The following MADD variants were observed in gnomAD, a reference collection of about 807,000 sequenced individuals.
MADD encodes MAP kinase-activating death domain protein.
In MADD, 109 loss-of-function variants were observed where a neutral mutation model predicts 176.7. That is an observed-to-expected ratio of 0.62 (90% CI 0.53 to 0.72). The LOEUF (loss-of-function observed/expected upper bound fraction) is 0.72, where lower values mean the gene tolerates loss of function less well. Ranked by LOEUF, MADD falls within the 30% of genes least tolerant of loss-of-function variation. MADD has a pLI of 0.00. For missense variants in MADD, 1,914 were observed against 2,045.5 expected, an observed-to-expected ratio of 0.94 and a Z score of 1.24; for synonymous variants, 771 against 771.3, an observed-to-expected ratio of 1.00 and a Z score of 0.01.
intron 22 of MADD, among the ~76,000 whole-genome samples, chr11:47,300,442 A>AC (rs2076781167): frequency 7.2e-6 from 1 of 138,206 alleles, no homozygotes; most frequent in Non-Finnish European, 1.5e-5. Context: ...CCTGACCTCA[A>AC]GTGATCTACC....
At chr11:47,289,082 G>C (rs1250615901) in intron 15 of MADD, 55 bp downstream of exon 16, 1 of 1,504,652 alleles carries the variant, frequency 6.6e-7, no homozygotes, top group African/African-American at 1.4e-5. Context: ...AGCATCTTCT[G>C]TGCCTGCCCG....
rs144447538 is a variant in MADD, at chr11:47,329,087, C to T, written c.4701C>T (p.Tyr1567=). ...ACTCCGTATTATGTCTCTTCTCGTACGTGGCTGCAGTTCATAGCAGTGAGG... is the reference window on the plus strand; with the variant it reads ...ACTCCGTATTATGTCTCTTCTCGTATGTGGCTGCAGTTCATAGCAGTGAGG... The change falls in exon 33 of 33, where the codon TAC becomes TAT. Residue 1567 remains tyrosine, a synonymous_variant. Coordinates refer to ENST00000402192, the Ensembl canonical transcript of MADD. The T allele has an allele frequency of 6.5e-5, 105 of 1,614,082 alleles. 1 individual carries two copies. Among genetic ancestry groups the T allele is most frequent in the Non-Finnish European group, 7.8e-5 (92 of 1,180,046 alleles).
chr11:47,303,909 G>A (rs1461855371), intron 22 of MADD, among the ~76,000 whole-genome samples: 1 of 152,062 alleles, frequency 6.6e-6, no homozygotes, highest in East Asian at 1.9e-4. Context: ...CATCTGGCTG[G>A]AGAGGACTTT....
intron 5 of MADD, among the ~76,000 whole-genome samples, chr11:47,277,738 G>A (rs918777460): frequency 2.0e-5 from 3 of 152,306 alleles, no homozygotes; most frequent in South Asian, 2.1e-4. Context: ...TCTGATAACC[G>A]AGATGGCTAC....
intron 22 of MADD, 135 bp from the exon 25 acceptor site, chr11:47,308,456 C>G: frequency 3.4e-6 from 2 of 589,590 alleles, no homozygotes; most frequent in Non-Finnish European, 6.1e-6. Flanking sequence ...AGTGGACTTG[C>G]AGAAGCAGGG....
intron 26 of MADD, 71 bp downstream of exon 29, chr11:47,311,913 TTC>T (rs1039551953): frequency 3.3e-6 from 3 of 914,532 alleles, no homozygotes; most frequent in Non-Finnish European, 5.3e-6. Flanking sequence ...TGCAGTCCAG[TTC>T]ACCCCGTTTT....
exon 19 of MADD, chr11:47,290,770 A>G: frequency 6.2e-7 from 1 of 1,613,752 alleles, no homozygotes; most frequent in South Asian, 1.1e-5. Context: ...GTCCTAAGGA[A>G]CTGGACACCA....
At chr11:47,300,452 C>G (rs1247181874) in intron 22 of MADD, among the ~76,000 whole-genome samples, 1 of 127,078 alleles carries the variant, frequency 7.9e-6, no homozygotes, top group Admixed American at 7.6e-5. Context: ...AGTGATCTAC[C>G]CCCCGCCCGC....
rs1267433370 is a variant in MADD, at chr11:47,309,712, T to A, written c.3978+100T>A. The A allele has an allele frequency of 4.6e-5, 39 of 841,716 alleles. No homozygotes were observed. The Admixed American group carries it at 7.4e-4, about 16-fold the overall frequency. 52.1% of individuals were successfully genotyped at this position (841,716 alleles called of 1,614,324 possible). ...GGGTAGCTGGGAAGCTATCAAGGTA[T>A]CTTAACTTAGGGCTATCTTCTTGAT... On this transcript the variant is annotated intron_variant, in intron 25 of 32. Coordinates refer to ENST00000402192, the Ensembl canonical transcript of MADD.
At chr11:47,320,450 G>A (rs1453340302) in intron 27 of MADD, among the ~76,000 whole-genome samples, 10 of 149,626 alleles carry the variant, frequency 6.7e-5, no homozygotes, top group Non-Finnish European at 1.3e-4. Context: ...GCAAGACTCC[G>A]TCTCAAAAAA....
At chr11:47,315,051 G>A (rs2092319882) in intron 26 of MADD, among the ~76,000 whole-genome samples, 169 bp from the exon 30 acceptor site, 1 of 151,868 alleles carries the variant, frequency 6.6e-6, no homozygotes, top group Admixed American at 6.6e-5. Context: ...AGAGATATAG[G>A]GCCTCTGAGA....
intron 19 of MADD, among the ~76,000 whole-genome samples, chr11:47,292,086 A>C (rs1218716658): frequency 1.3e-5 from 2 of 151,662 alleles, no homozygotes; most frequent in African/African-American, 4.8e-5. Flanking sequence ...TCCTTCTGAA[A>C]CTCTGGCTGC....
intron 22 of MADD, among the ~76,000 whole-genome samples, chr11:47,303,239 G>GTTTTTTTT (rs35658298): frequency 9.2e-6 from 1 of 108,150 alleles, no homozygotes; most frequent in Non-Finnish European, 1.8e-5. Flanking sequence ...TTCTCTTGCT[G>GTTTTTTTT]TTTTTTTTTT....
chr11:47,279,045 C>G, exon 7 of MADD: 1 of 1,614,034 alleles, frequency 6.2e-7, no homozygotes, highest in Non-Finnish European at 8.5e-7. Context: ...CTGCCAGAAC[C>G]AGAATCACTA....
intron 1 of MADD, chr11:47,271,992 C>A (rs1426030699): frequency 6.6e-6 from 1 of 152,112 alleles, no homozygotes; most frequent in Non-Finnish European, 1.5e-5. Context: ...TGCTCAGAAA[C>A]CTGGTGGTGT....
chr11:47,295,789 C>T (rs1480545540), intron 21 of MADD, 108 bp from the exon 24 acceptor site: 4 of 1,524,682 alleles, frequency 2.6e-6, no homozygotes, highest in African/African-American at 1.4e-5. Context: ...CTATCTGACA[C>T]ACTTTTGAAA....
rs1194790683 is a variant in MADD, at chr11:47,286,414, T to C, written c.2552-19T>C. 2.5e-6 allele frequency: 4 copies of C among 1,571,084 alleles called. No individual in the cohort carries two copies. The Admixed American group carries it at 6.7e-5, about 26-fold the overall frequency. ...ACTTACTCTGCCAAGTCATCGCTCTTGCACCCTCCCCTTGATAGGCAGCCT... is the reference window on the plus strand; with the variant it reads ...ACTTACTCTGCCAAGTCATCGCTCTCGCACCCTCCCCTTGATAGGCAGCCT... On this transcript the variant is annotated intron_variant, in intron 14 of 32. Transcript: ENST00000402192.
chr11:47,310,442 C>T lies in MADD; in HGVS notation c.3978+830C>T, dbSNP rs113850516. 9.3e-3 allele frequency among the ~76,000 whole-genome samples: 1,416 copies of T among 152,186 alleles called. 21 individuals carry two copies. The highest frequency in any genetic ancestry group is 0.032 in the African/African-American group (1,325 of 41,516). The stretch of plus-strand genomic sequence containing the variant: ...CAAGTGATCCTCCTGCCTCAGCCTC[C>T]CAAAGTGCTGGGATTACAGGCAGGA... On this transcript the variant is annotated intron_variant, in intron 25 of 32. Coordinates refer to ENST00000402192, the Ensembl canonical transcript of MADD.
Position 47,273,820 on chromosome 11 carries a change from C to T in MADD, c.-88-7C>T. Reference sequence around the variant, plus strand: ...GTGGATCTTATCAGTACTTTTTTTCCTATTAGACTTCGATTTTCAGAATTC... The same window carrying T: ...GTGGATCTTATCAGTACTTTTTTTCTTATTAGACTTCGATTTTCAGAATTC... On this transcript the variant is annotated splice_polypyrimidine_tract_variant and splice_region_variant and intron_variant, in intron 1 of 32. Transcript: ENST00000402192. The T allele has an allele frequency of 9.4e-7, 1 of 1,062,640 alleles. No individual in the cohort carries two copies. Among genetic ancestry groups the T allele is most frequent in the Admixed American group, 1.9e-5 (1 of 53,096 alleles). The allele number at this position is 1,062,640 out of a possible 1,614,324, so 65.8% of individuals were successfully genotyped here.
Sources: gnomAD v4.1 joint callset for allele counts (sites outside exome capture counted in the v4.1 genomes callset) on GRCh38, gnomAD v4.1.1 for gene constraint, MANE v1.5 for transcripts, NCBI Gene and HGNC (gene_info 2026-07-23, HGNC 2026-07-21) for gene names.